LRRC7: variants seen among roughly 807,000 people sequenced by gnomAD.
LRRC7 encodes leucine rich repeat containing 7.
LRRC7 carries 23 observed loss-of-function variants against 175.7 expected under a neutral mutation model. The observed-to-expected ratio is 0.13, with a 90% CI of 0.09 to 0.19. The LOEUF is 0.19. Ranked by LOEUF, LRRC7 falls within the 10% of genes least tolerant of loss-of-function variation. LRRC7 has a pLI of 1.00. For missense variants in LRRC7, 1,354 were observed against 1,904.7 expected (o/e 0.71, Z 5.38); for synonymous variants, 685 against 680.9 (o/e 1.01, Z -0.09).
intron 1 of LRRC7, among the ~76,000 whole-genome samples, chr1:69,570,283 C>T (rs948996812): frequency 1.3e-5 from 2 of 151,896 alleles, no homozygotes; most frequent in Admixed American, 1.3e-4. Context: ...TGTTCAGCAT[C>T]CTGGTTGCTT....
intron 25 of LRRC7, among the ~76,000 whole-genome samples, chr1:70,091,528 A>G (rs1664031984): frequency 6.6e-6 from 1 of 152,070 alleles, no homozygotes; most frequent in African/African-American, 2.4e-5. Flanking sequence ...AGGGTAAAAA[A>G]ATATTTTTAA....
At chr1:70,034,697 T>G (rs2102013848) in intron 18 of LRRC7, among the ~76,000 whole-genome samples, 1 of 152,298 alleles carries the variant, frequency 6.6e-6, no homozygotes, top group East Asian at 1.9e-4. Flanking sequence ...CTTCGTCTAA[T>G]CATCTGTGTA....
intron 2 of LRRC7, among the ~76,000 whole-genome samples, chr1:69,729,804 G>C (rs1191563780): frequency 2.0e-5 from 3 of 151,534 alleles, no homozygotes; most frequent in Non-Finnish European, 4.4e-5. Flanking sequence ...CAGAGACTCT[G>C]TGTGGGGGTT....
intron 25 of LRRC7, 69 bp from the exon 26 acceptor site, chr1:70,107,683 T>A (rs993084210): frequency 1.8e-6 from 2 of 1,124,784 alleles, no homozygotes; most frequent in East Asian, 2.4e-5. Flanking sequence ...TCTATGTGAA[T>A]GAAGATTTGT....
intron 7 of LRRC7, among the ~76,000 whole-genome samples, chr1:69,922,131 G>A (rs973471569): frequency 6.6e-6 from 1 of 152,140 alleles, no homozygotes; most frequent in East Asian, 1.9e-4. Flanking sequence ...TCACCATGTT[G>A]GCCAGGCTGG....
intron 3 of LRRC7, among the ~76,000 whole-genome samples, chr1:69,790,519 A>G (rs1438413888): frequency 6.6e-6 from 1 of 152,034 alleles, no homozygotes; most frequent in Non-Finnish European, 1.5e-5. Context: ...TGAAATGGTT[A>G]TATAATAGTG....
At chr1:69,975,534 C>G (rs1652724464) in intron 8 of LRRC7, among the ~76,000 whole-genome samples, 1 of 152,066 alleles carries the variant, frequency 6.6e-6, no homozygotes, top group Admixed American at 6.6e-5. Flanking sequence ...AGTTCCCTTC[C>G]TGGCCCAGAA....
intron 7 of LRRC7, among the ~76,000 whole-genome samples, chr1:69,887,129 G>T (rs4526563): frequency 8.2e-6 from 1 of 122,368 alleles, no homozygotes; most frequent in African/African-American, 3.3e-5. Context: ...TATCTTTGTG[G>T]CGTTCTCTGT....
At chr1:69,767,465 A>G (rs1448859604) in intron 3 of LRRC7, among the ~76,000 whole-genome samples, 3 of 151,798 alleles carry the variant, frequency 2.0e-5, no homozygotes, top group Admixed American at 2.0e-4. Flanking sequence ...TTATTTATTT[A>G]TTTTTTAAAA....
intron 7 of LRRC7, among the ~76,000 whole-genome samples, chr1:69,863,982 C>T (rs997042920): frequency 2.0e-5 from 3 of 152,032 alleles, no homozygotes; most frequent in Non-Finnish European, 2.9e-5. Context: ...CCCTAAATTA[C>T]ACTCTTATCT....
intron 23 of LRRC7, among the ~76,000 whole-genome samples, chr1:70,061,834 G>C (rs1558036660): frequency 6.6e-6 from 1 of 152,088 alleles, no homozygotes. Context: ...AAATAACCTA[G>C]AACTGAATTA....
chr1:70,044,422 A>G (rs1041883157), intron 22 of LRRC7, among the ~76,000 whole-genome samples: 38 of 151,606 alleles, frequency 2.5e-4, no homozygotes, highest in African/African-American at 9.0e-4. Context: ...TTGTGTTTAT[A>G]TATATGTTTT....
rs1225150932 is a variant in LRRC7 at position 70,133,408 on chromosome 1, A to G, written c.*11521A>G. 1.3e-5 allele frequency among the ~76,000 whole-genome samples: 2 copies of G among 152,126 alleles called. No individual in the cohort carries two copies. The highest frequency in any genetic ancestry group is 2.9e-5 in the Non-Finnish European group (2 of 68,028). ...GCTAATTTTTGTATTTTTAGTAAAGACAGGTTTTCTCCATGTTGCCCAGGC... is the reference window on the plus strand; with the variant it reads ...GCTAATTTTTGTATTTTTAGTAAAGGCAGGTTTTCTCCATGTTGCCCAGGC... On this transcript the variant is annotated 3_prime_UTR_variant, in exon 27 of 27. Transcript: ENST00000651989.
At chr1:69,972,989 T>TAA (rs1480266949) in intron 8 of LRRC7, among the ~76,000 whole-genome samples, 4 of 144,916 alleles carry the variant, frequency 2.8e-5, no homozygotes, top group African/African-American at 1.0e-4. Flanking sequence ...ACTATATATA[T>TAA]AAATACTACT....
intron 7 of LRRC7, among the ~76,000 whole-genome samples, chr1:69,927,096 G>C (rs1041350025): frequency 6.6e-6 from 1 of 152,080 alleles, no homozygotes; most frequent in South Asian, 2.1e-4. Flanking sequence ...TGAAATTGTG[G>C]GTTGAAAATT....
intron 23 of LRRC7, among the ~76,000 whole-genome samples, chr1:70,067,076 C>G (rs1354992371): frequency 1.3e-5 from 2 of 151,984 alleles, no homozygotes; most frequent in Admixed American, 6.6e-5. Flanking sequence ...ATCTGTATAT[C>G]CTCTTTGGTA....
intron 7 of LRRC7, among the ~76,000 whole-genome samples, chr1:69,898,729 T>C (rs1393648985): frequency 6.6e-6 from 1 of 151,470 alleles, no homozygotes; most frequent in East Asian, 1.9e-4. Flanking sequence ...GGAACTTCTG[T>C]AGATAGTATC....
chr1:69,957,326 A>G (rs537570754), intron 8 of LRRC7, among the ~76,000 whole-genome samples: 17 of 151,874 alleles, frequency 1.1e-4, no homozygotes, highest in South Asian at 2.1e-4. Flanking sequence ...AAGACTTACA[A>G]TTTTTTTAAT....
At chr1:69,933,600 T>C (rs1014818481) in intron 8 of LRRC7, among the ~76,000 whole-genome samples, 1 of 152,212 alleles carries the variant, frequency 6.6e-6, no homozygotes, top group African/African-American at 2.4e-5. Flanking sequence ...CAGTCTTCTC[T>C]ATCTTATAGG....
Sources: gnomAD v4.1 joint callset for allele counts (sites outside exome capture counted in the v4.1 genomes callset) on GRCh38, gnomAD v4.1.1 for gene constraint, MANE v1.5 for transcripts, NCBI Gene and HGNC (gene_info 2026-07-23, HGNC 2026-07-21) for gene names.